The following ZNF385B variants were observed in gnomAD, a reference collection of about 807,000 sequenced individuals.
The protein encoded by ZNF385B is zinc finger protein 533.
Under a neutral mutation model 39.2 loss-of-function variants are expected in ZNF385B, and 23 were observed. That is an observed-to-expected ratio of 0.59 (90% CI 0.42 to 0.83). The LOEUF (loss-of-function observed/expected upper bound fraction) is 0.83. Ranked by LOEUF, ZNF385B falls within the 40% of genes least tolerant of loss-of-function variation. The pLI is 0.00. For synonymous variants in ZNF385B, 205 were observed against 222.6 expected (o/e 0.92, Z 0.70); for missense variants, 552 against 598.9 (o/e 0.92, Z 0.82).
At chr2:179,686,181 G>A (rs1281070681) in intron 3 of ZNF385B, among the ~76,000 whole-genome samples, 2 of 152,158 alleles carry the variant, frequency 1.3e-5, no homozygotes, top group Non-Finnish European at 2.9e-5. Context: ...ACCATCAGTT[G>A]TTCATGTTGC....
intron 1 of ZNF385B, among the ~76,000 whole-genome samples, chr2:179,841,739 G>A (rs1708544224): frequency 6.6e-6 from 1 of 152,170 alleles, no homozygotes; most frequent in Non-Finnish European, 1.5e-5. Flanking sequence ...CACTGGTTTA[G>A]GTAAAATCCT....
chr2:179,835,464 A>G (rs1708197957), intron 1 of ZNF385B, among the ~76,000 whole-genome samples: 1 of 152,206 alleles, frequency 6.6e-6, no homozygotes, highest in Admixed American at 6.5e-5. Context: ...TGGAATACAC[A>G]TAAGCTAAAT....
At chr2:179,767,606 G>A (rs1350659541) in intron 3 of ZNF385B, among the ~76,000 whole-genome samples, 2 of 152,106 alleles carry the variant, frequency 1.3e-5, no homozygotes, top group Non-Finnish European at 2.9e-5. Flanking sequence ...TCAAAAGTGA[G>A]GAAAGTGACC....
At chr2:179,852,072 G>A (rs1684216150) in intron 1 of ZNF385B, among the ~76,000 whole-genome samples, 1 of 152,130 alleles carries the variant, frequency 6.6e-6, no homozygotes, top group Non-Finnish European at 1.5e-5. Context: ...GATTTGCAAG[G>A]GCTGAAAGAG....
At chr2:179,521,655 C>T (rs1248891444) in intron 4 of ZNF385B, among the ~76,000 whole-genome samples, 2 of 152,108 alleles carry the variant, frequency 1.3e-5, no homozygotes, top group African/African-American at 4.8e-5. Flanking sequence ...TCCATCTGCT[C>T]TCTAAAAAGC....
At chr2:179,773,136 C>T (rs1704109980) in intron 1 of ZNF385B, among the ~76,000 whole-genome samples, 1 of 152,118 alleles carries the variant, frequency 6.6e-6, no homozygotes, top group African/African-American at 2.4e-5. Context: ...CTAGGATTTT[C>T]CCTGACCTGC....
intron 7 of ZNF385B, among the ~76,000 whole-genome samples, chr2:179,446,153 G>A (rs1210377742): frequency 6.6e-6 from 1 of 151,976 alleles, no homozygotes; most frequent in Non-Finnish European, 1.5e-5. Context: ...ATCATATTGG[G>A]TTACTATATT....
At chr2:179,451,685 T>A (rs1226175967) in intron 6 of ZNF385B, among the ~76,000 whole-genome samples, 1 of 152,162 alleles carries the variant, frequency 6.6e-6, no homozygotes, top group African/African-American at 2.4e-5. Context: ...GGATAGATAC[T>A]ATCTAGTCAA....
chr2:179,660,845 T>C (rs1024931388), intron 3 of ZNF385B, among the ~76,000 whole-genome samples: 2 of 152,080 alleles, frequency 1.3e-5, no homozygotes, highest in African/African-American at 4.8e-5. Flanking sequence ...ATGAGATGAA[T>C]GTGATTTCTG....
intron 3 of ZNF385B, among the ~76,000 whole-genome samples, chr2:179,654,189 G>C (rs1298138616): frequency 6.6e-6 from 1 of 152,146 alleles, no homozygotes; most frequent in African/African-American, 2.4e-5. Flanking sequence ...GGTTGTCCTT[G>C]TTTAAAATAT....
chr2:179,464,603 G>A (rs2051771810), intron 6 of ZNF385B, among the ~76,000 whole-genome samples: 1 of 152,110 alleles, frequency 6.6e-6, no homozygotes. Context: ...TATTAAGTAG[G>A]GAATCTTTTC....
chr2:179,590,340 G>A (rs13411180), intron 3 of ZNF385B, among the ~76,000 whole-genome samples: 28,471 of 152,120 alleles, frequency 0.19, 2,930 homozygotes, highest in Middle Eastern at 0.28. Context: ...GATTAAACGA[G>A]ACAATGTATA....
intron 6 of ZNF385B, among the ~76,000 whole-genome samples, chr2:179,456,886 T>A (rs1047906545): frequency 1.3e-5 from 2 of 152,170 alleles, no homozygotes; most frequent in Admixed American, 1.3e-4. Context: ...TTACTATCTG[T>A]ACTTTTAAAC....
chr2:179,829,187 G>A (rs1707838710), intron 1 of ZNF385B, among the ~76,000 whole-genome samples: 1 of 152,050 alleles, frequency 6.6e-6, no homozygotes, highest in Admixed American at 6.6e-5. Context: ...ATACCTCACT[G>A]AGAAAACAAT....
intron 3 of ZNF385B, among the ~76,000 whole-genome samples, chr2:179,698,286 G>T (rs1378319376): frequency 6.6e-6 from 1 of 152,236 alleles, no homozygotes; most frequent in East Asian, 1.9e-4. Context: ...AGAATACACA[G>T]CTAGCTATCT....
At chr2:179,678,410 G>A (rs1391932769) in intron 3 of ZNF385B, among the ~76,000 whole-genome samples, 1 of 152,198 alleles carries the variant, frequency 6.6e-6, no homozygotes, top group African/African-American at 2.4e-5. Context: ...CTCAGGCCAT[G>A]AAGGACTTCT....
rs558753878 is a variant in ZNF385B, at chr2:179,632,353, C to G, written c.299-87384G>C. 7.2e-5 allele frequency among the ~76,000 whole-genome samples: 11 copies of G among 152,334 alleles called. No homozygotes were observed. The East Asian group carries it at 2.1e-3, about 29-fold the overall frequency. ...GAATTGATATCACAACAAACTGTCT[C>G]TCAGACCACAGTGCAATCAAATTAG... On this transcript the variant is annotated intron_variant, in intron 3 of 9. Coordinates refer to ENST00000410066, the MANE Select transcript of ZNF385B (RefSeq NM_152520.6).
At chr2:179,458,119 T>C (rs548338084) in intron 6 of ZNF385B, among the ~76,000 whole-genome samples, 37 of 152,320 alleles carry the variant, frequency 2.4e-4, no homozygotes, top group Non-Finnish European at 4.4e-4. Flanking sequence ...CATGATGCCA[T>C]AGAAAGCATA....
intron 3 of ZNF385B, among the ~76,000 whole-genome samples, chr2:179,595,149 A>G (rs973846496): frequency 6.6e-6 from 1 of 152,226 alleles, no homozygotes; most frequent in African/African-American, 2.4e-5. Flanking sequence ...CTATCACTTA[A>G]AAGAATTAAT....
Sources: gnomAD v4.1 joint callset for allele counts (sites outside exome capture counted in the v4.1 genomes callset) on GRCh38, gnomAD v4.1.1 for gene constraint, MANE v1.5 for transcripts, NCBI Gene and HGNC (gene_info 2026-07-23, HGNC 2026-07-21) for gene names.